Variants in TRAF3IP3 observed in about 807,000 individuals in gnomAD.
The protein encoded by TRAF3IP3 is TRAF3 interacting protein 3.
Under a neutral mutation model 86.5 loss-of-function variants are expected in TRAF3IP3, and 64 were observed. The ratio of observed to expected loss-of-function variants is 0.74; its 90% confidence interval spans 0.60 to 0.91. TRAF3IP3 has a LOEUF of 0.91. TRAF3IP3 is among the 40% of genes least tolerant of loss of function. The probability of loss-of-function intolerance (pLI) is 0.00; values close to 1 mark genes in which losing one functional copy is unlikely to be tolerated. For missense variants in TRAF3IP3, 579 were observed against 642.9 expected, an observed-to-expected ratio of 0.90 and a Z score of 1.07; for synonymous variants, 220 against 243.9, an observed-to-expected ratio of 0.90 and a Z score of 0.91.
At chr1:209,770,555 GTGTC>G (rs2077453382) in intron 8 of TRAF3IP3, among the ~76,000 whole-genome samples, 1 of 145,966 alleles carries the variant, frequency 6.9e-6, no homozygotes, top group Admixed American at 7.2e-5. Flanking sequence ...GGAGGTGTGT[GTGTC>G]CAGGTAGAAT....
chr1:209,779,288 A>AT, intron 13 of TRAF3IP3, 27 bp from the exon 14 acceptor site: 3 of 1,609,524 alleles, frequency 1.9e-6, no homozygotes, highest in Non-Finnish European at 2.6e-6. Context: ...ATGCTAGCAT[A>AT]GACAAGTTCC....
Position 209,781,396 on chromosome 1 carries a change from T to G in TRAF3IP3, c.1501T>G (p.Cys501Gly), listed in dbSNP as rs1300280650. The change falls in exon 16 of 17, where the codon TGC (cysteine) becomes GGC (glycine). Residue 501 changes from cysteine to glycine, a missense_variant. Physicochemically the swap from Cys to Gly is radical, Grantham distance 159 (BLOSUM62 -3). Transcript: ENST00000367025. ...CAACCTCAGTGACGAGTATCTCTCC[T>G]GCCTGCGTAAGCTGCAGCACTGTCG... is the stretch of plus-strand genomic sequence containing the variant. ...LDNLSDEYLS[C>G]LRKLQHCREE... 6.8e-6 allele frequency: 11 copies of G among 1,613,700 alleles called. No homozygotes were observed. The highest frequency in any genetic ancestry group is 7.6e-6 in the Non-Finnish European group (9 of 1,179,780).
At position 209,762,493 on chromosome 1, in the gene TRAF3IP3, G is replaced by A. The variant is rs1340365064; in HGVS notation, c.346-22G>A. 7.6e-6 allele frequency: 11 copies of A among 1,444,582 alleles called. No homozygotes were observed. The South Asian group carries it at 1.9e-4, about 25-fold the overall frequency. The allele number at this position is 1,444,582 out of a possible 1,614,324, so 89.5% of individuals were successfully genotyped here. ...AAGAGGCTCCAGGCAGTGGTTTTCA[G>A]CATTCCCCACTTGCCTTCCAGGTGA... On this transcript the variant is annotated intron_variant, in intron 3 of 16. Coordinates refer to ENST00000367025, the MANE Select transcript of TRAF3IP3 (RefSeq NM_025228.4).
intron 2 of TRAF3IP3, 110 bp downstream of exon 2, chr1:209,759,244 T>C (rs1363198470): frequency 6.6e-6 from 1 of 152,248 alleles, no homozygotes; most frequent in East Asian, 1.9e-4. Context: ...CAGTCAATAT[T>C]GATTGGACTT....
At position 209,760,061 on chromosome 1, in the gene TRAF3IP3, C is replaced by CCCT; in HGVS notation, c.25_27dup (p.Ser9dup). The CCCT allele has an allele frequency of 6.2e-7, 1 of 1,613,896 alleles. No homozygotes were observed. The highest frequency in any genetic ancestry group is 8.5e-7 in the Non-Finnish European group (1 of 1,179,820). On this transcript the variant is annotated inframe_insertion, in exon 3 of 17. Coordinates refer to ENST00000367025, the MANE Select transcript of TRAF3IP3 (RefSeq NM_025228.4). ...CATCATGATCAGCCCAGACCCCAGG[C>CCCT]CCTCCCCTGGCTTGGCCCGGTGGGC...
intron 10 of TRAF3IP3, 26 bp from the exon 11 acceptor site, chr1:209,775,573 G>GC: frequency 6.2e-7 from 1 of 1,614,174 alleles, no homozygotes. Flanking sequence ...ACTCCCTGGA[G>GC]CCCTCTCCTC....
In TRAF3IP3 at chr1:209,766,228, T is replaced by C. The variant is rs549000765; in HGVS notation, c.702+2641T>C. On this transcript the variant is annotated intron_variant, in intron 8 of 16. Transcript: ENST00000367025. ...CTCAATCTGTGGTCAGAGCTCCTGA[T>C]TGTTAGGTCATTTTCATTGACAGAG... Among the ~76,000 whole-genome samples the C allele has an allele frequency of 6.6e-5, 10 of 152,358 alleles. No individual in the cohort carries two copies. The East Asian group carries it at 1.5e-3, about 24-fold the overall frequency.
chr1:209,764,911 T>C (rs1441555498), intron 8 of TRAF3IP3, among the ~76,000 whole-genome samples: 1 of 151,788 alleles, frequency 6.6e-6, no homozygotes, highest in Non-Finnish European at 1.5e-5. Flanking sequence ...CCGTGCATCA[T>C]GTCTGTAAAT....
chr1:209,773,775 G>A (rs2077595537), intron 9 of TRAF3IP3, among the ~76,000 whole-genome samples: 1 of 152,178 alleles, frequency 6.6e-6, no homozygotes, highest in Non-Finnish European at 1.5e-5. Context: ...AGTATAACTT[G>A]CTTTGTCAGG....
Position 209,769,346 on chromosome 1 carries a change from T to TA in TRAF3IP3, c.703-3601dup, listed in dbSNP as rs142285806. ...AGTGGAATGCAGCCGTTTTACCAGT[T>TA]ACTTCAAAGCTCAAACAGTAGAAGT... On this transcript the variant is annotated intron_variant, in intron 8 of 16. Coordinates refer to ENST00000367025, the MANE Select transcript of TRAF3IP3 (RefSeq NM_025228.4). 9.5e-3 allele frequency among the ~76,000 whole-genome samples: 1,442 copies of TA among 152,318 alleles called. 35 individuals are homozygous for TA. The highest frequency in any genetic ancestry group is 0.091 in the East Asian group (470 of 5,176).
intron 8 of TRAF3IP3, among the ~76,000 whole-genome samples, chr1:209,769,054 T>C (rs2077412486): frequency 6.6e-6 from 1 of 152,048 alleles, no homozygotes; most frequent in African/African-American, 2.4e-5. Context: ...AGAGGCAAAA[T>C]ATTGGATTAA....
In TRAF3IP3 at chr1:209,781,464, A is replaced by G; in HGVS notation, c.1563+6A>G. ...GCCAGCAGCTGCCTCCCAGAGTAAG[A>G]GGGTCTCTCCTTCCCATAAAGCCCT... On this transcript the variant is annotated splice_donor_region_variant and intron_variant, in intron 16 of 16. Coordinates refer to ENST00000367025, the MANE Select transcript of TRAF3IP3 (RefSeq NM_025228.4). 6.2e-7 allele frequency: 1 copy of G among 1,604,572 alleles called. No individual in the cohort carries two copies. The highest frequency in any genetic ancestry group is 2.2e-5 in the East Asian group (1 of 44,770).
chr1:209,757,175 G>A (rs942056364), intron 1 of TRAF3IP3, among the ~76,000 whole-genome samples: 6 of 152,340 alleles, frequency 3.9e-5, no homozygotes, highest in African/African-American at 1.4e-4. Context: ...CCTCTCTAAG[G>A]AGCCATTTCC....
intron 8 of TRAF3IP3, among the ~76,000 whole-genome samples, chr1:209,771,662 AAGGTGTGTGTTC>A (rs2077532750): frequency 9.2e-6 from 1 of 108,590 alleles, no homozygotes; most frequent in African/African-American, 3.8e-5. Context: ...TGTGCATGTG[AAGGTGTGTGTTC>A]AGGTGGAGGT....
At chr1:209,762,452 A>T (rs2077262915) in intron 3 of TRAF3IP3, 63 bp from the exon 4 acceptor site, 20 of 1,410,014 alleles carry the variant, frequency 1.4e-5, no homozygotes, top group African/African-American at 4.4e-5. Context: ...TTCCGAAATC[A>T]TCAGGAGAGT....
In TRAF3IP3 at chr1:209,756,258, C is replaced by G. The variant is rs2272868; in HGVS notation, c.-211C>G. 0.022 allele frequency: 3,381 copies of G among 152,420 alleles called. 164 individuals carry two copies. The highest frequency in any genetic ancestry group is 0.21 in the East Asian group (1,088 of 5,170). The allele number at this position is 152,420 out of a possible 1,614,324, so 9.4% of individuals were successfully genotyped here. ...TCTGAGACCAGAGCCAAGATCTGCC[C>G]AGGACTGGAATGCTTTCCCGAGTGG... On this transcript the variant is annotated 5_prime_UTR_variant, in exon 1 of 17. Coordinates refer to ENST00000367025, the MANE Select transcript of TRAF3IP3 (RefSeq NM_025228.4).
chr1:209,773,198 T>C (rs867638030), intron 9 of TRAF3IP3, among the ~76,000 whole-genome samples, 179 bp downstream of exon 9: 25 of 152,344 alleles, frequency 1.6e-4, no homozygotes, highest in Middle Eastern at 6.8e-3. Flanking sequence ...TAGATCACTG[T>C]CTCCATCCTT....
At chr1:209,762,357 T>A (rs1368050892) in intron 3 of TRAF3IP3, among the ~76,000 whole-genome samples, 158 bp from the exon 4 acceptor site, 1 of 152,180 alleles carries the variant, frequency 6.6e-6, no homozygotes, top group African/African-American at 2.4e-5. Flanking sequence ...TACTATCACA[T>A]TGGGAGATAG....
At chr1:209,772,295 C>T (rs2077561570) in intron 8 of TRAF3IP3, among the ~76,000 whole-genome samples, 1 of 152,200 alleles carries the variant, frequency 6.6e-6, no homozygotes, top group South Asian at 2.1e-4. Context: ...TGTGTCTCCA[C>T]ATGGCCTTCC....
Sources: gnomAD v4.1 joint callset for allele counts (sites outside exome capture counted in the v4.1 genomes callset) on GRCh38, gnomAD v4.1.1 for gene constraint, MANE v1.5 for transcripts, NCBI Gene and HGNC (gene_info 2026-07-23, HGNC 2026-07-21) for gene names.